SLC35D4: variants seen among roughly 807,000 people sequenced by gnomAD.
The protein encoded by SLC35D4 is solute carrier family 35 member D4, also known as UDP-N-acetylglucosamine transporter SLC35D4.
the SLC35D4 span, among the ~76,000 whole-genome samples, chr18:23,322,966 A>C: frequency 6.6e-6 from 1 of 152,188 alleles, no homozygotes; most frequent in Non-Finnish European, 1.5e-5. Flanking sequence ...ACATACTTTT[A>C]GAATGATAGA....
chr18:23,412,944 T>C, the SLC35D4 span, among the ~76,000 whole-genome samples: 3 of 152,200 alleles, frequency 2.0e-5, no homozygotes, highest in Non-Finnish European at 4.4e-5. Context: ...TGGACCTTAC[T>C]AGCTGAGATG....
At chr18:23,248,537 T>TA in the SLC35D4 span, among the ~76,000 whole-genome samples, 69 of 96,662 alleles carry the variant, frequency 7.1e-4, no homozygotes, top group African/African-American at 1.8e-3. Context: ...TTTTTTTTTT[T>TA]TAAAAAAAGG....
chr18:23,371,912 T>C, the SLC35D4 span, among the ~76,000 whole-genome samples: 1 of 68,652 alleles, frequency 1.5e-5, no homozygotes, highest in East Asian at 4.2e-4. Context: ...ACACATCCTA[T>C]TTATTTCTTC....
chr18:23,297,966 C>A, the SLC35D4 span: 1 of 1,608,016 alleles, frequency 6.2e-7, no homozygotes, highest in South Asian at 1.1e-5. Flanking sequence ...ACAAGCTGTT[C>A]TCCCGCAGCA....
the SLC35D4 span, among the ~76,000 whole-genome samples, chr18:23,375,400 A>T: frequency 1.3e-5 from 2 of 152,176 alleles, no homozygotes; most frequent in African/African-American, 4.8e-5. Flanking sequence ...TCATATATTT[A>T]TGTGATATTT....
At chr18:23,305,949 G>A in the SLC35D4 span, among the ~76,000 whole-genome samples, 987 of 152,318 alleles carry the variant, frequency 6.5e-3, 6 homozygotes, top group African/African-American at 0.021. Context: ...CCAGCCCAAA[G>A]CCACACAAGA....
At chr18:23,385,991 A>G in the SLC35D4 span, among the ~76,000 whole-genome samples, 1 of 151,734 alleles carries the variant, frequency 6.6e-6, no homozygotes, top group African/African-American at 2.4e-5. Flanking sequence ...AAATTAGCCG[A>G]GCATGGTGGC....
the SLC35D4 span, among the ~76,000 whole-genome samples, chr18:23,308,790 T>A: frequency 6.6e-6 from 1 of 152,074 alleles, no homozygotes; most frequent in Non-Finnish European, 1.5e-5. Flanking sequence ...TTGGAGCTTA[T>A]CTGAAAGTTA....
the SLC35D4 span, among the ~76,000 whole-genome samples, chr18:23,434,700 G>A: frequency 2.0e-5 from 3 of 151,940 alleles, no homozygotes; most frequent in Admixed American, 6.6e-5. Flanking sequence ...AGGCTGAGGT[G>A]TGTGGATCGC....
the SLC35D4 span, among the ~76,000 whole-genome samples, chr18:23,334,276 C>G: frequency 6.6e-6 from 1 of 152,128 alleles, no homozygotes. Flanking sequence ...AGACAGAATT[C>G]TTCTTGGACA....
chr18:23,405,879 T>C, the SLC35D4 span, among the ~76,000 whole-genome samples: 1 of 152,226 alleles, frequency 6.6e-6, no homozygotes, highest in Non-Finnish European at 1.5e-5. Flanking sequence ...CTTTCAATAG[T>C]TAGTCACCTG....
the SLC35D4 span, among the ~76,000 whole-genome samples, chr18:23,274,828 T>A: frequency 6.6e-6 from 1 of 152,148 alleles, no homozygotes; most frequent in African/African-American, 2.4e-5. Flanking sequence ...CTGGAAAACA[T>A]CTTTAACTTA....
At chr18:23,276,526 C>A in the SLC35D4 span, among the ~76,000 whole-genome samples, 1 of 151,688 alleles carries the variant, frequency 6.6e-6, no homozygotes, top group Non-Finnish European at 1.5e-5. Context: ...GGGGCCCCAG[C>A]CTGGGGAGGA....
the SLC35D4 span, among the ~76,000 whole-genome samples, chr18:23,370,039 C>T: frequency 6.6e-5 from 10 of 152,134 alleles, no homozygotes; most frequent in Admixed American, 3.3e-4. Context: ...ATTAGCCAAG[C>T]ATGGTGGCGC....
the SLC35D4 span, among the ~76,000 whole-genome samples, chr18:23,345,185 G>A: frequency 6.6e-6 from 1 of 151,886 alleles, no homozygotes; most frequent in Non-Finnish European, 1.5e-5. Context: ...AACACCGTTT[G>A]TTGAAAAAAC....
chr18:23,255,336 C>T, the SLC35D4 span, among the ~76,000 whole-genome samples: 1 of 152,008 alleles, frequency 6.6e-6, no homozygotes, highest in Non-Finnish European at 1.5e-5. Flanking sequence ...TCTCACTTGT[C>T]TAGCTGTCTT....
At chr18:23,302,942 T>C in the SLC35D4 span, among the ~76,000 whole-genome samples, 1 of 152,234 alleles carries the variant, frequency 6.6e-6, no homozygotes, top group South Asian at 2.1e-4. Context: ...AATCACCCGA[T>C]TTCAAAATGG....
the SLC35D4 span, among the ~76,000 whole-genome samples, chr18:23,301,807 C>G: frequency 3.3e-5 from 5 of 152,136 alleles, no homozygotes; most frequent in African/African-American, 1.2e-4. Flanking sequence ...TTGTATGCTT[C>G]AAATCTCCTT....
the SLC35D4 span, among the ~76,000 whole-genome samples, chr18:23,336,166 A>T: frequency 6.6e-6 from 1 of 152,228 alleles, no homozygotes. Context: ...AATGGAATTT[A>T]AAAATTTTTC....
Sources: gnomAD v4.1 joint callset for allele counts (sites outside exome capture counted in the v4.1 genomes callset) on GRCh38, gnomAD v4.1.1 for gene constraint, MANE v1.5 for transcripts, NCBI Gene and HGNC (gene_info 2026-07-23, HGNC 2026-07-21) for gene names.